The following SH3GL2 variants were observed in gnomAD, a reference collection of about 807,000 sequenced individuals.
SH3GL2 encodes the protein SH3 domain containing GRB2 like 2, endophilin A1, also known as endophilin-A1.
Under a neutral mutation model 46.0 loss-of-function variants are expected in SH3GL2, and 24 were observed. The observed-to-expected ratio is 0.52, with a 90% CI of 0.38 to 0.73. SH3GL2 has a LOEUF of 0.73. Ranked by LOEUF, SH3GL2 falls within the 30% of genes least tolerant of loss-of-function variation. The pLI is 0.00. For missense variants in SH3GL2, 413 were observed against 424.2 expected (o/e 0.97, Z 0.23); for synonymous variants, 196 against 147.1 (o/e 1.33, Z -2.40).
At chr9:17,684,834 A>G (rs1820863535) in intron 1 of SH3GL2, among the ~76,000 whole-genome samples, 1 of 152,126 alleles carries the variant, frequency 6.6e-6, no homozygotes, top group African/African-American at 2.4e-5. Context: ...CCTTCAAAAT[A>G]TCCTTCAAAA....
chr9:17,621,156 T>C (rs969911727), intron 1 of SH3GL2, among the ~76,000 whole-genome samples: 1 of 152,222 alleles, frequency 6.6e-6, no homozygotes, highest in African/African-American at 2.4e-5. Flanking sequence ...AGTTGTATCA[T>C]GATTTGGGTT....
intron 1 of SH3GL2, among the ~76,000 whole-genome samples, chr9:17,611,762 A>G (rs1818872650): frequency 6.6e-6 from 1 of 152,194 alleles, no homozygotes; most frequent in Non-Finnish European, 1.5e-5. Context: ...GGAGGAGATT[A>G]GAGGTGATCA....
In SH3GL2 at chr9:17,795,567, T is replaced by A. The variant is rs1372109079; in HGVS notation, c.883T>A (p.Cys295Ser). 1.2e-6 allele frequency: 2 copies of A among 1,614,062 alleles called. No individual in the cohort carries two copies. The highest frequency in any genetic ancestry group is 2.2e-5 in the South Asian group (2 of 91,074). Residue 295 changes from cysteine to serine, a missense_variant, in exon 9 of 9, where the codon TGC becomes AGC. Transcript: ENST00000380607. ...AGGTGTCCAAATGGATCAGCCCTGC[T>A]GCCGAGCTCTGTACGACTTTGAACC... ...PSGVQMDQPC[C>S]RALYDFEPEN...
chr9:17,735,470 C>G (rs974119271), intron 1 of SH3GL2, among the ~76,000 whole-genome samples: 1 of 152,058 alleles, frequency 6.6e-6, no homozygotes, highest in Non-Finnish European at 1.5e-5. Context: ...ACAGTTGACC[C>G]TTGAACAATA....
intron 1 of SH3GL2, among the ~76,000 whole-genome samples, chr9:17,615,256 G>A (rs951306982): frequency 1.3e-5 from 2 of 152,172 alleles, no homozygotes. Flanking sequence ...GATATTTTAG[G>A]AATTCTCAGA....
At chr9:17,614,467 C>G (rs908369975) in intron 1 of SH3GL2, among the ~76,000 whole-genome samples, 2 of 151,982 alleles carry the variant, frequency 1.3e-5, no homozygotes, top group African/African-American at 4.8e-5. Context: ...GACTGGCCCA[C>G]TAAAGATCTG....
chr9:17,588,730 G>C (rs976454881), intron 1 of SH3GL2, among the ~76,000 whole-genome samples: 5 of 152,160 alleles, frequency 3.3e-5, no homozygotes, highest in African/African-American at 1.2e-4. Context: ...CCCTCAACAG[G>C]GAGCTCACTT....
intron 1 of SH3GL2, among the ~76,000 whole-genome samples, chr9:17,623,583 T>C (rs1819208566): frequency 6.6e-6 from 1 of 152,142 alleles, no homozygotes; most frequent in Non-Finnish European, 1.5e-5. Context: ...ATATGTTTTT[T>C]GTTTGCATTT....
intron 1 of SH3GL2, among the ~76,000 whole-genome samples, chr9:17,591,559 G>A (rs1326294456): frequency 6.6e-6 from 1 of 152,142 alleles, no homozygotes; most frequent in Non-Finnish European, 1.5e-5. Flanking sequence ...GGGTACATTT[G>A]TATCAGTTAT....
intron 1 of SH3GL2, among the ~76,000 whole-genome samples, chr9:17,615,480 C>T (rs1279915321): frequency 2.0e-5 from 3 of 151,820 alleles, no homozygotes; most frequent in Non-Finnish European, 4.4e-5. Flanking sequence ...CACAGTGAAA[C>T]CCCGTCTCTA....
At chr9:17,712,407 T>A (rs1821650379) in intron 1 of SH3GL2, among the ~76,000 whole-genome samples, 2 of 151,870 alleles carry the variant, frequency 1.3e-5, no homozygotes, top group Non-Finnish European at 2.9e-5. Context: ...ACAAAGATTT[T>A]TTCCTATCTT....
In SH3GL2 at chr9:17,623,626, G is replaced by T. The variant is rs528363241; in HGVS notation, c.45+44339G>T. ...GCTTGGAAATCATTTCAAATTTACA[G>T]AAAAAAATTACAAAGAATACCTGTC... On this transcript the variant is annotated intron_variant, in intron 1 of 8. Coordinates refer to ENST00000380607, the MANE Select transcript of SH3GL2 (RefSeq NM_003026.5). Among the ~76,000 whole-genome samples the T allele has an allele frequency of 2.0e-5, 3 of 151,558 alleles. No homozygotes were observed. In the East Asian group the frequency reaches 5.8e-4, roughly 29 times the overall value.
chr9:17,674,781 A>G (rs879395945), intron 1 of SH3GL2, among the ~76,000 whole-genome samples: 4 of 152,214 alleles, frequency 2.6e-5, no homozygotes, highest in Non-Finnish European at 4.4e-5. Flanking sequence ...TCTCATCCTT[A>G]AGGGGACTGG....
At chr9:17,772,263 C>T (rs1056941795) in intron 3 of SH3GL2, among the ~76,000 whole-genome samples, 2 of 152,160 alleles carry the variant, frequency 1.3e-5, no homozygotes, top group Admixed American at 6.6e-5. Flanking sequence ...ACTCATCTTA[C>T]AATTGTAATC....
rs1224721675 is a variant in SH3GL2 at position 17,656,745 on chromosome 9, T to G, written c.45+77458T>G. On this transcript the variant is annotated intron_variant, in intron 1 of 8. Coordinates refer to ENST00000380607, the MANE Select transcript of SH3GL2 (RefSeq NM_003026.5). ...AGTTAGTGCCACTGCACTGCAAGCC[T>G]GGGCGACAGAGTGAGACTACATCTC... 8.3e-5 allele frequency among the ~76,000 whole-genome samples: 10 copies of G among 120,286 alleles called. No homozygotes were observed. The Admixed American group carries it at 8.6e-4, about 10-fold the overall frequency. 78.9% of individuals were successfully genotyped at this position (120,286 alleles called of 152,430 possible).
intron 7 of SH3GL2, among the ~76,000 whole-genome samples, chr9:17,792,896 G>T (rs1214523031): frequency 6.6e-6 from 1 of 152,144 alleles, no homozygotes; most frequent in Non-Finnish European, 1.5e-5. Context: ...TAATCTGTTT[G>T]TGTCTTTTTT....
At chr9:17,693,647 G>C (rs1018993753) in intron 1 of SH3GL2, among the ~76,000 whole-genome samples, 2 of 152,130 alleles carry the variant, frequency 1.3e-5, no homozygotes, top group African/African-American at 2.4e-5. Context: ...CATAAAACTG[G>C]ACAGCAAAAT....
At chr9:17,714,337 G>T (rs983447513) in intron 1 of SH3GL2, among the ~76,000 whole-genome samples, 1 of 151,664 alleles carries the variant, frequency 6.6e-6, no homozygotes, top group African/African-American at 2.4e-5. Context: ...TTTTATGGAT[G>T]TTTAGAATAT....
At chr9:17,603,073 C>T (rs2134566412) in intron 1 of SH3GL2, among the ~76,000 whole-genome samples, 1 of 152,280 alleles carries the variant, frequency 6.6e-6, no homozygotes, top group East Asian at 1.9e-4. Flanking sequence ...TGAGGACATG[C>T]CACTGAGTCT....
Sources: gnomAD v4.1 joint callset for allele counts (sites outside exome capture counted in the v4.1 genomes callset) on GRCh38, gnomAD v4.1.1 for gene constraint, MANE v1.5 for transcripts, NCBI Gene and HGNC (gene_info 2026-07-23, HGNC 2026-07-21) for gene names.